The following KPTN variants were observed in gnomAD, a reference collection of about 807,000 sequenced individuals.
The protein encoded by KPTN is kaptin, actin binding protein.
KPTN carries 36 observed loss-of-function variants against 52.6 expected under a neutral mutation model. The observed-to-expected ratio is 0.68, with a 90% confidence interval of 0.52 to 0.90. The LOEUF (loss-of-function observed/expected upper bound fraction) is 0.90, where lower values mean the gene tolerates loss of function less well. KPTN is among the 40% of genes least tolerant of loss of function. The pLI, the probability that KPTN is intolerant of heterozygous loss-of-function variation, is 0.00. For missense variants in KPTN, 529 were observed against 576.2 expected, an observed-to-expected ratio of 0.92 and a Z score of 0.84; for synonymous variants, 271 against 248.4, an observed-to-expected ratio of 1.09 and a Z score of -0.85.
chr19:47,477,511 AC>A (rs901224798), intron 9 of KPTN, among the ~76,000 whole-genome samples, 194 bp downstream of exon 9: 23 of 147,520 alleles, frequency 1.6e-4, no homozygotes, highest in Middle Eastern at 7.0e-3. Flanking sequence ...CTCTGCTCCC[AC>A]CCCCCAGCCT....
rs201474471 is a variant in KPTN, at chr19:47,479,917, G to C, written c.733C>G (p.Leu245Val). 805 of 1,613,342 alleles carry C rather than the reference G, an allele frequency of 5.0e-4. 4 individuals are homozygous for C. The highest frequency in any genetic ancestry group is 9.2e-5 in the Non-Finnish European group (109 of 1,179,840). ...ACTCGGGAGATGGGACCGTCCTGCAGGACCGACCACATCTGCAGAACCTCT... is the reference window on the plus strand; with the variant it reads ...ACTCGGGAGATGGGACCGTCCTGCACGACCGACCACATCTGCAGAACCTCT... ...SREVLQMWSV[L>V]QDGPISRVIV... Residue 245 changes from leucine to valine, a missense_variant, in exon 8 of 12, where the codon CTG becomes GTG. Leu to Val is a conservative substitution (Grantham distance 32). Transcript: ENST00000338134.
chr19:47,477,686 T>A lies in KPTN; in HGVS notation c.863+20A>T. Reference sequence around the variant, plus strand: ...AAGAAAGAAGGTTAGACCACACCCATGTGTCTCAGGCCCCCTCACCGATAC... The same window carrying A: ...AAGAAAGAAGGTTAGACCACACCCAAGTGTCTCAGGCCCCCTCACCGATAC... On this transcript the variant is annotated intron_variant, in intron 9 of 11. Transcript: ENST00000338134. 1 of 1,592,376 alleles carries A rather than the reference T, an allele frequency of 6.3e-7. No homozygotes were observed. The highest frequency in any genetic ancestry group is 8.6e-7 in the Non-Finnish European group (1 of 1,160,562).
Position 47,476,319 on chromosome 19 carries a change from TAATA to T in KPTN, c.1182+209_1182+212del, listed in dbSNP as rs932691929. On this transcript the variant is annotated intron_variant, in intron 11 of 11. Coordinates refer to ENST00000338134, the MANE Select transcript of KPTN (RefSeq NM_007059.4). ...GCAAGACTCTGTCTCAAAAATAAAATAATAAATAAATAAATAAATCTCCTTCACC... is the reference window on the plus strand; with the variant it reads ...GCAAGACTCTGTCTCAAAAATAAAATAATAAATAAATAAATCTCCTTCACC... 4.5e-4 allele frequency: 151 copies of T among 333,744 alleles called. No individual in the cohort carries two copies. The East Asian group carries it at 4.7e-3, about 10-fold the overall frequency. The allele number at this position is 333,744 out of a possible 1,614,324, so 20.7% of individuals were successfully genotyped here.
intron 5 of KPTN, 58 bp downstream of exon 5, chr19:47,480,900 C>T: frequency 1.2e-6 from 2 of 1,611,266 alleles, no homozygotes; most frequent in South Asian, 1.1e-5. Flanking sequence ...TATACCCACC[C>T]AGCGCCAGCC....
Position 47,484,150 on chromosome 19 carries a change from TCCC to T in KPTN, c.8_10del (p.Gly3del). 1.3e-6 allele frequency: 2 copies of T among 1,594,084 alleles called. No homozygotes were observed. The highest frequency in any genetic ancestry group is 1.4e-5 in the African/African-American group (1 of 73,944). On this transcript the variant is annotated inframe_deletion, in exon 1 of 12. Coordinates refer to ENST00000338134, the MANE Select transcript of KPTN (RefSeq NM_007059.4). Reference sequence around the variant, plus strand: ...ACAAGGCCCCGCGGCCACGGCCGCCTCCCCCATCATGCCCCTCAGTTAAGCACC... The same window carrying T: ...ACAAGGCCCCGCGGCCACGGCCGCCTCCATCATGCCCCTCAGTTAAGCACC...
Position 47,483,922 on chromosome 19 carries a change from T to C in KPTN, c.226+13A>G, listed in dbSNP as rs1967979824. 4 of 1,612,776 alleles carry C rather than the reference T, an allele frequency of 2.5e-6. No individual in the cohort carries two copies. The highest frequency in any genetic ancestry group is 3.3e-4 in the Middle Eastern group (2 of 6,062). On this transcript the variant is annotated intron_variant, in intron 1 of 11. Transcript: ENST00000338134. ...TCCAGGCCCCCGCCCCCCAGCACCA[T>C]AGCGCCACCCACCGGGAATGTAGTT... is the stretch of plus-strand genomic sequence containing the variant.
chr19:47,476,692 C>T lies in KPTN; in HGVS notation c.1022G>A (p.Arg341Gln), dbSNP rs751987242. ...YGQELLCYKY[R>Q]GPESGLPEAQ... Reference sequence around the variant, plus strand: ...CTCAGGAAGCCCCGACTCTGGGCCCCGGTACTTATAACACAGCAGTTCCTG... The same window carrying T: ...CTCAGGAAGCCCCGACTCTGGGCCCTGGTACTTATAACACAGCAGTTCCTG... Residue 341 changes from arginine to glutamine, a missense_variant, in exon 11 of 12, where the codon CGG becomes CAG. Physicochemically the swap from Arg to Gln is conservative, Grantham distance 43. Transcript: ENST00000338134. 8.7e-6 allele frequency: 14 copies of T among 1,612,198 alleles called. No homozygotes were observed. The highest frequency in any genetic ancestry group is 4.5e-5 in the East Asian group (2 of 44,708).
upstream of KPTN, among the ~76,000 whole-genome samples, chr19:47,484,736 T>C (rs923059878): frequency 1.0e-4 from 14 of 138,140 alleles, no homozygotes; most frequent in South Asian, 2.3e-4. Flanking sequence ...TGAGACGGAG[T>C]CTTGCTCTGT....
Position 47,484,059 on chromosome 19 carries a change from G to T in KPTN, c.102C>A (p.Gly34=). 1 of 1,610,278 alleles carries T rather than the reference G, an allele frequency of 6.2e-7. No homozygotes were observed. The stretch of plus-strand genomic sequence containing the variant: ...CCAGCAGCTCCCCGCGCCCGCCGGC[G>T]CCGCCTGCCAGCCCGTACACATTGC... ...SQSNVYGLAG[G]AGGRGELLAA... The change falls in exon 1 of 12, where the codon GGC becomes GGA. Residue 34 remains glycine (G), a synonymous_variant. Transcript: ENST00000338134.
At chr19:47,477,005 C>A in intron 9 of KPTN, 67 bp from the exon 10 acceptor site, 1 of 1,498,448 alleles carries the variant, frequency 6.7e-7, no homozygotes. Context: ...TTGGCGGATG[C>A]TAAGCTGGGT....
intron 4 of KPTN, among the ~76,000 whole-genome samples, chr19:47,482,437 G>A (rs889468462): frequency 2.1e-5 from 3 of 142,102 alleles, no homozygotes; most frequent in Non-Finnish European, 3.0e-5. Flanking sequence ...TGCAGAGATC[G>A]AGCCACTGCA....
chr19:47,482,705 T>TTTTA (rs889811781), intron 4 of KPTN, among the ~76,000 whole-genome samples: 6 of 152,074 alleles, frequency 3.9e-5, no homozygotes, highest in African/African-American at 1.4e-4. Flanking sequence ...TTTCATTTTA[T>TTTTA]TTTATTTATT....
Position 47,483,959 on chromosome 19 carries a change from C to T in KPTN, c.202G>A (p.Glu68Lys). Residue 68 changes from glutamate to lysine, a missense_variant, in exon 1 of 12, where the codon GAG (glutamate) becomes AAG (lysine). Coordinates refer to ENST00000338134, the MANE Select transcript of KPTN (RefSeq NM_007059.4). ...CCGGGAATGTAGTTGAACTGCAGCT[C>T]CTTGGCCACTGGCCGGATTTTCTGT... ...LRQKIRPVAK[E>K]LQFNYIPVDA... 6.2e-7 allele frequency: 1 copy of T among 1,613,800 alleles called. No homozygotes were observed. Among genetic ancestry groups the T allele is most frequent in the South Asian group, 1.1e-5 (1 of 91,074 alleles).
chr19:47,476,762 G>A, intron 10 of KPTN, 41 bp downstream of exon 10: 25 of 1,602,502 alleles, frequency 1.6e-5, no homozygotes, highest in Non-Finnish European at 2.0e-5. Flanking sequence ...GGGGACAGTG[G>A]AGGGAGGCCG....
At chr19:47,477,665 A>G (rs746859918) in intron 9 of KPTN, 41 bp downstream of exon 9, 6 of 1,476,112 alleles carry the variant, frequency 4.1e-6, no homozygotes, top group African/African-American at 1.4e-5. Flanking sequence ...AGTGCAAAGA[A>G]AGAAGGTTAG....
rs973701874 is a variant in KPTN, at chr19:47,480,676, A to G, written c.599+84T>C. The G allele has an allele frequency of 3.9e-6, 5 of 1,271,626 alleles. No homozygotes were observed. The African/African-American group carries it at 7.4e-5, about 19-fold the overall frequency. 78.8% of individuals were successfully genotyped at this position (1,271,626 alleles called of 1,614,324 possible). On this transcript the variant is annotated intron_variant, in intron 6 of 11. Transcript: ENST00000338134. ...GATTTTTCTGAGCTCCTCCCCGGTG[A>G]CCAATTTCTCTAAGGTCTCACCGCC...
intron 8 of KPTN, 145 bp downstream of exon 8, chr19:47,479,718 C>T: frequency 1.5e-6 from 1 of 657,536 alleles, no homozygotes; most frequent in Non-Finnish European, 2.7e-6. Flanking sequence ...AGCTCAAGGC[C>T]TGGAGTGGGG....
chr19:47,481,024 G>C lies in KPTN; in HGVS notation c.459C>G (p.Val153=). The C allele has an allele frequency of 6.3e-7, 1 of 1,581,848 alleles. No individual in the cohort carries two copies. Among genetic ancestry groups the C allele is most frequent in the Non-Finnish European group, 8.6e-7 (1 of 1,162,586 alleles). ...PFQLCHAEVQ[V]GDQLETVFLL... is the part of the protein sequence containing the mutation. The stretch of plus-strand genomic sequence containing the variant: ...GAAACACAGTCTCAAGTTGATCCCC[G>C]ACCTGGACCCTGAAAGCAGAGAAAT... Residue 153 remains valine (V), a synonymous_variant, in exon 5 of 12, where the codon GTC becomes GTG. Transcript: ENST00000338134.
At chr19:47,475,608 C>G (rs992029350) in intron 11 of KPTN, 64 bp from the exon 12 acceptor site, 4 of 1,583,328 alleles carry the variant, frequency 2.5e-6, no homozygotes, top group Admixed American at 1.7e-5. Context: ...ACAGCGGGAC[C>G]GTCTGGAGTG....
Sources: allele counts gnomAD v4.1 joint callset (sites outside exome capture counted in the v4.1 genomes callset), GRCh38; gene constraint gnomAD v4.1.1; transcripts MANE v1.5; gene names NCBI Gene and HGNC (gene_info 2026-07-23, HGNC 2026-07-21).